The following COL8A1 variants were observed in gnomAD, a reference collection of about 807,000 sequenced individuals.
COL8A1 encodes collagen type VIII alpha 1 chain, also known as collagen alpha-1(VIII) chain.
A neutral mutation model predicts 42.7 loss-of-function variants in COL8A1; 21 were observed. That is an observed-to-expected ratio of 0.49 (90% CI 0.35 to 0.71). The LOEUF (loss-of-function observed/expected upper bound fraction) is 0.71. COL8A1 is among the 30% of genes least tolerant of loss of function. The pLI is 0.01. For synonymous variants in COL8A1, 367 were observed against 369.1 expected, an observed-to-expected ratio of 0.99 and a Z score of 0.06; for missense variants, 788 against 962.4, an observed-to-expected ratio of 0.82 and a Z score of 2.40.
chr3:99,773,946 G>A (rs539759764), intron 2 of COL8A1, among the ~76,000 whole-genome samples: 108 of 143,072 alleles, frequency 7.5e-4, no homozygotes, highest in African/African-American at 2.6e-3. Flanking sequence ...CCAAGTTCAA[G>A]TGATTCTCCT....
intron 2 of COL8A1, among the ~76,000 whole-genome samples, chr3:99,787,183 A>G (rs1336513908): frequency 1.3e-5 from 2 of 152,226 alleles, no homozygotes; most frequent in African/African-American, 4.8e-5. Context: ...AGCATTTAAA[A>G]TATCTATCAC....
intron 1 of COL8A1, among the ~76,000 whole-genome samples, chr3:99,682,829 TAAC>T (rs2107324671): frequency 6.6e-6 from 1 of 150,816 alleles, no homozygotes; most frequent in South Asian, 2.1e-4. Flanking sequence ...AGAAAAATAA[TAAC>T]AACCACACAG....
chr3:99,781,593 G>T (rs781292821), intron 2 of COL8A1, among the ~76,000 whole-genome samples: 8 of 152,038 alleles, frequency 5.3e-5, no homozygotes, highest in Non-Finnish European at 1.2e-4. Flanking sequence ...CACTTTAATG[G>T]ATTACATTAG....
intron 1 of COL8A1, among the ~76,000 whole-genome samples, chr3:99,740,609 C>T (rs896789789): frequency 1.3e-5 from 2 of 152,166 alleles, no homozygotes; most frequent in African/African-American, 2.4e-5. Flanking sequence ...TAACCGCCCC[C>T]ATGATTCACT....
chr3:99,773,815 G>GTGTATATATATATATATATATATATAT (rs1403823634), intron 2 of COL8A1, among the ~76,000 whole-genome samples: 1 of 35,914 alleles, frequency 2.8e-5, no homozygotes, highest in Non-Finnish European at 5.0e-5. Flanking sequence ...ATATATGTGT[G>GTGTATATATATATATATATATATATAT]TATATATATA....
At chr3:99,694,014 G>A (rs1939297086) in intron 1 of COL8A1, among the ~76,000 whole-genome samples, 1 of 152,214 alleles carries the variant, frequency 6.6e-6, no homozygotes, top group South Asian at 2.1e-4. Flanking sequence ...GAAACTTGCT[G>A]TACAAGTTTG....
chr3:99,771,111 T>C (rs1941572640), intron 2 of COL8A1, among the ~76,000 whole-genome samples: 1 of 152,132 alleles, frequency 6.6e-6, no homozygotes, highest in African/African-American at 2.4e-5. Context: ...AGAAGGTCAG[T>C]GTGGCCGATG....
At chr3:99,787,415 TG>T (rs1369073859) in intron 2 of COL8A1, among the ~76,000 whole-genome samples, 2 of 152,236 alleles carry the variant, frequency 1.3e-5, no homozygotes, top group Non-Finnish European at 2.9e-5. Flanking sequence ...TGGCCATTAC[TG>T]TTTTATTCAT....
chr3:99,764,890 A>C (rs543446983), intron 2 of COL8A1, among the ~76,000 whole-genome samples: 1 of 152,066 alleles, frequency 6.6e-6, no homozygotes, highest in South Asian at 2.1e-4. Flanking sequence ...GCCAATAGTA[A>C]GTTCTCCATA....
chr3:99,719,642 G>A (rs1476060287), intron 1 of COL8A1, among the ~76,000 whole-genome samples: 5 of 152,130 alleles, frequency 3.3e-5, no homozygotes, highest in African/African-American at 4.8e-5. Flanking sequence ...GCTGAAATGT[G>A]AAGCATGAGT....
chr3:99,787,855 A>C (rs892325249), intron 2 of COL8A1, among the ~76,000 whole-genome samples: 8 of 60,806 alleles, frequency 1.3e-4, no homozygotes, highest in Non-Finnish European at 2.1e-4. Context: ...CAAGAACACA[A>C]ATACACACAC....
chr3:99,703,330 T>C (rs911800809), intron 1 of COL8A1: 3 of 152,270 alleles, frequency 2.0e-5, no homozygotes, highest in Admixed American at 1.3e-4. Context: ...AACGGAGAAG[T>C]CACACAGACG....
intron 1 of COL8A1, chr3:99,678,075 C>T (rs1423333671): frequency 1.3e-5 from 2 of 152,148 alleles, no homozygotes; most frequent in Non-Finnish European, 2.9e-5. Flanking sequence ...TGAGGGGGAC[C>T]AGTATGGCTC....
chr3:99,764,701 C>CTTTTTTTTCT (rs1941427181), intron 2 of COL8A1, among the ~76,000 whole-genome samples: 1 of 125,056 alleles, frequency 8.0e-6, no homozygotes, highest in Non-Finnish European at 1.6e-5. Flanking sequence ...TCTTTTTTTT[C>CTTTTTTTTCT]TTTTTTTTTT....
At position 99,789,321 on chromosome 3, in the gene COL8A1, A is replaced by G. The variant is rs147724648; in HGVS notation, c.-3-1359A>G. Among the ~76,000 whole-genome samples the G allele has an allele frequency of 3.2e-3, 486 of 152,308 alleles. 4 individuals are homozygous for G. Among genetic ancestry groups the G allele is most frequent in the African/African-American group, 0.011 (474 of 41,566 alleles). ...TGGAAATTGAATTATTTACAGACAGAAGTTTCTTCAAAGTTTTCCAGAAGA... is the reference window on the plus strand; with the variant it reads ...TGGAAATTGAATTATTTACAGACAGGAGTTTCTTCAAAGTTTTCCAGAAGA... On this transcript the variant is annotated intron_variant, in intron 2 of 3. Coordinates refer to ENST00000652472, the MANE Select transcript of COL8A1 (RefSeq NM_020351.4).
At chr3:99,778,828 G>A (rs1312502882) in intron 2 of COL8A1, among the ~76,000 whole-genome samples, 1 of 152,114 alleles carries the variant, frequency 6.6e-6, no homozygotes, top group East Asian at 1.9e-4. Flanking sequence ...ACTTAGAAAA[G>A]GGGTAGGCAG....
intron 2 of COL8A1, among the ~76,000 whole-genome samples, chr3:99,750,922 C>T (rs891403594): frequency 6.6e-6 from 1 of 152,164 alleles, no homozygotes. Context: ...TTTCTAATGG[C>T]ATCTACTTAA....
chr3:99,768,966 G>A (rs1190184588), intron 2 of COL8A1, among the ~76,000 whole-genome samples: 2 of 152,198 alleles, frequency 1.3e-5, no homozygotes, highest in Non-Finnish European at 2.9e-5. Context: ...CATTTCAGAA[G>A]AGGGTTTTGT....
At chr3:99,665,111 T>C (rs1938323920) in intron 1 of COL8A1, among the ~76,000 whole-genome samples, 1 of 152,324 alleles carries the variant, frequency 6.6e-6, no homozygotes, top group East Asian at 1.9e-4. Flanking sequence ...TCCCCTTCCA[T>C]GTTGCCATTT....
Sources: gnomAD v4.1 joint callset for allele counts (sites outside exome capture counted in the v4.1 genomes callset) on GRCh38, gnomAD v4.1.1 for gene constraint, MANE v1.5 for transcripts, NCBI Gene and HGNC (gene_info 2026-07-23, HGNC 2026-07-21) for gene names.